Variants in DPYSL2 observed in about 807,000 individuals in gnomAD.
The protein encoded by DPYSL2 is dihydropyrimidinase-related protein 2.
DPYSL2 carries 13 observed loss-of-function variants against 69.9 expected under a neutral mutation model. The ratio of observed to expected loss-of-function variants is 0.19; its 90% CI spans 0.12 to 0.30. The LOEUF is 0.30. Among genes scored for constraint, DPYSL2 ranks in the 10% least tolerant of loss-of-function variants. DPYSL2 has a pLI of 1.00. For missense variants in DPYSL2, 587 were observed against 918.9 expected (o/e 0.64, Z 4.67); for synonymous variants, 326 against 359.1 (o/e 0.91, Z 1.04).
At chr8:26,561,099 G>T (rs1424424236) in intron 1 of DPYSL2, among the ~76,000 whole-genome samples, 1 of 152,190 alleles carries the variant, frequency 6.6e-6, no homozygotes, top group Non-Finnish European at 1.5e-5. Flanking sequence ...AGAAATGCAA[G>T]ACTCTACTAG....
intron 1 of DPYSL2, among the ~76,000 whole-genome samples, chr8:26,542,784 G>A (rs1335549287): frequency 6.6e-6 from 1 of 152,074 alleles, no homozygotes; most frequent in Non-Finnish European, 1.5e-5. Flanking sequence ...AACACAAGAA[G>A]CAAAGAACAA....
intron 1 of DPYSL2, among the ~76,000 whole-genome samples, chr8:26,568,442 A>G (rs1355818746): frequency 6.6e-6 from 1 of 152,194 alleles, no homozygotes; most frequent in Non-Finnish European, 1.5e-5. Context: ...GTCAGTAATA[A>G]ATTCTCACTC....
chr8:26,639,133 G>T (rs73227622), intron 8 of DPYSL2, among the ~76,000 whole-genome samples: 10,493 of 152,292 alleles, frequency 0.069, 435 homozygotes, highest in South Asian at 0.15. Flanking sequence ...AACGTTATGA[G>T]AAGCACATGG....
At position 26,643,684 on chromosome 8, in the gene DPYSL2, A is replaced by C. The variant is rs1055218217; in HGVS notation, c.1283+89A>C. The stretch of plus-strand genomic sequence containing the variant: ...AGGCGAAAACAACATGGTGGCCAAG[A>C]GCAGCCATAAAACTGGGAGACCCTT... On this transcript the variant is annotated intron_variant, in intron 9 of 13. Coordinates refer to ENST00000521913, the MANE Select transcript of DPYSL2 (RefSeq NM_001197293.3). The surrounding 1 kb of genome is among the most constrained non-coding windows in gnomAD (Gnocchi z 6.5). The C allele has an allele frequency of 5.7e-6, 9 of 1,578,100 alleles. No individual in the cohort carries two copies. The African/African-American group carries it at 8.1e-5, about 14-fold the overall frequency.
At chr8:26,576,802 C>A (rs528556042) in intron 1 of DPYSL2, among the ~76,000 whole-genome samples, 11 of 152,364 alleles carry the variant, frequency 7.2e-5, no homozygotes, top group Admixed American at 5.2e-4. Context: ...TCCTCCTCTC[C>A]GCCCCACGGT....
chr8:26,514,039 T>C lies in DPYSL2; in HGVS notation c.-287T>C, dbSNP rs534392332. The C allele has an allele frequency of 1.5e-5, 4 of 275,010 alleles. No individual in the cohort carries two copies. Among genetic ancestry groups the C allele is most frequent in the African/African-American group, 8.8e-5 (4 of 45,334 alleles). The allele number at this position is 275,010 out of a possible 1,614,324, so 17.0% of individuals were successfully genotyped here. A position where few individuals can be genotyped will look rare whatever the true frequency, so the allele number is the denominator to read the frequency against. ...TGCCGGGAACTGGCAGCCTTTCGGC[T>C]CCCGCAGCCGCAGCGGACGCCCTCC... On this transcript the variant is annotated 5_prime_UTR_variant, in exon 1 of 14. Coordinates refer to ENST00000521913, the MANE Select transcript of DPYSL2 (RefSeq NM_001197293.3). This position sits in a 1 kb window ranked among gnomAD's most constrained non-coding sequence, Gnocchi z 8.4.
At position 26,624,291 on chromosome 8, in the gene DPYSL2, G is replaced by T. The variant is rs371240205; in HGVS notation, c.777G>T (p.Ala259=). The change falls in exon 4 of 14, where the codon GCG becomes GCT. Residue 259 remains alanine, a synonymous_variant. Coordinates refer to ENST00000521913, the MANE Select transcript of DPYSL2 (RefSeq NM_001197293.3). This position sits in a 1 kb window ranked among gnomAD's most constrained non-coding sequence, Gnocchi z 4.7. The part of the protein sequence containing the change: ...WHKGIQEEME[A]LVKDHGVNSF... ...AGGGCATCCAGGAGGAGATGGAAGCGCTTGTGAAGGATCACGGTAGGTTGC... is the reference window on the plus strand; with the variant it reads ...AGGGCATCCAGGAGGAGATGGAAGCTCTTGTGAAGGATCACGGTAGGTTGC... The T allele has an allele frequency of 1.9e-6, 3 of 1,614,152 alleles. No individual in the cohort carries two copies. Among genetic ancestry groups the T allele is most frequent in the Non-Finnish European group, 2.5e-6 (3 of 1,179,994 alleles).
intron 1 of DPYSL2, among the ~76,000 whole-genome samples, chr8:26,534,531 G>A (rs1429045409): frequency 6.6e-6 from 1 of 152,170 alleles, no homozygotes; most frequent in Non-Finnish European, 1.5e-5. Context: ...GCTAACAGCT[G>A]TGTGGCTGTG....
rs1182067646 is a variant in DPYSL2 at position 26,591,601 on chromosome 8, G to A, written c.628+7618G>A. 1.2e-4 allele frequency among the ~76,000 whole-genome samples: 18 copies of A among 152,198 alleles called. No individual in the cohort carries two copies. Among genetic ancestry groups the A allele is most frequent in the Admixed American group, 1.2e-3 (18 of 15,276 alleles). ...ACTCCTTCTACTCATGATAGCTTTA[G>A]CATTGTTGTCCCGGGGCAACCCTTT... is the stretch of plus-strand genomic sequence containing the variant. On this transcript the variant is annotated intron_variant, in intron 3 of 13. Coordinates refer to ENST00000521913, the MANE Select transcript of DPYSL2 (RefSeq NM_001197293.3). The surrounding 1 kb of genome is among the most constrained non-coding windows in gnomAD (Gnocchi z 5.8).
At chr8:26,601,032 A>G (rs1001597834) in intron 3 of DPYSL2, among the ~76,000 whole-genome samples, 4 of 152,182 alleles carry the variant, frequency 2.6e-5, no homozygotes, top group Non-Finnish European at 5.9e-5. Context: ...ACTCTCAGCC[A>G]TGATATGGAC....
chr8:26,538,136 T>A (rs190814275), intron 1 of DPYSL2, among the ~76,000 whole-genome samples: 8 of 152,336 alleles, frequency 5.3e-5, no homozygotes, highest in Admixed American at 4.6e-4. Context: ...TCTGGTCACT[T>A]GATAAAGGAG....
At position 26,609,743 on chromosome 8, in the gene DPYSL2, A is replaced by G. The variant is rs1802187277; in HGVS notation, c.629-14400A>G. 1.3e-5 allele frequency among the ~76,000 whole-genome samples: 2 copies of G among 152,154 alleles called. No homozygotes were observed. The highest frequency in any genetic ancestry group is 2.9e-5 in the Non-Finnish European group (2 of 68,014). On this transcript the variant is annotated intron_variant, in intron 3 of 13. Transcript: ENST00000521913. The surrounding 1 kb of genome is among the most constrained non-coding windows in gnomAD (Gnocchi z 6.5). ...AGGGACTGTTGACCCTGGCCCCTGT[A>G]GGAAGCACCTCTGGCTTGTCCCCCA...
rs996883710 is a variant in DPYSL2, at chr8:26,620,265, C to CT, written c.629-3869dup. Among the ~76,000 whole-genome samples, 40 of 150,936 alleles carry CT rather than the reference C, an allele frequency of 2.7e-4. No individual in the cohort carries two copies. Among genetic ancestry groups the CT allele is most frequent in the African/African-American group, 7.8e-4 (32 of 41,138 alleles). ...GAGGAAATGAGCTTTTATTTTTTTC[C>CT]TTTTTTTTTGAGGCAGTCTCTTGCT... is the stretch of plus-strand genomic sequence containing the variant. On this transcript the variant is annotated intron_variant, in intron 3 of 13. Transcript: ENST00000521913. This position sits in a 1 kb window ranked among gnomAD's most constrained non-coding sequence, Gnocchi z 4.5.
At chr8:26,608,069 T>TC in intron 3 of DPYSL2, among the ~76,000 whole-genome samples, 1 of 128,070 alleles carries the variant, frequency 7.8e-6, no homozygotes, top group East Asian at 2.3e-4. Context: ...AGAGCAAGAC[T>TC]CCATCTCAAA....
At chr8:26,559,851 C>G (rs1195230582) in intron 1 of DPYSL2, among the ~76,000 whole-genome samples, 4 of 152,180 alleles carry the variant, frequency 2.6e-5, no homozygotes, top group Non-Finnish European at 5.9e-5. Context: ...ATCTTTTATA[C>G]TCTGGCTTGC....
rs1226239646 is a variant in DPYSL2, at chr8:26,617,129, A to G, written c.629-7014A>G. Among the ~76,000 whole-genome samples, 2 of 152,076 alleles carry G rather than the reference A, an allele frequency of 1.3e-5. No homozygotes were observed. The highest frequency in any genetic ancestry group is 2.9e-5 in the Non-Finnish European group (2 of 68,020). On this transcript the variant is annotated intron_variant, in intron 3 of 13. Coordinates refer to ENST00000521913, the MANE Select transcript of DPYSL2 (RefSeq NM_001197293.3). The surrounding 1 kb of genome is among the most constrained non-coding windows in gnomAD (Gnocchi z 4.7). ...GCCTAGCCCTTTAAAAACTCATGATATTGGGTTCTCTATCAGTGTCGCTCC... is the reference window on the plus strand; with the variant it reads ...GCCTAGCCCTTTAAAAACTCATGATGTTGGGTTCTCTATCAGTGTCGCTCC...
At chr8:26,578,598 G>A (rs1801413496) in intron 1 of DPYSL2, 1 of 1,264,652 alleles carries the variant, frequency 7.9e-7, no homozygotes, top group Non-Finnish European at 1.0e-6. Context: ...CGGCCCGCGG[G>A]GTGCAAGCAA....
At chr8:26,557,935 C>T (rs976975871) in intron 1 of DPYSL2, among the ~76,000 whole-genome samples, 1 of 151,788 alleles carries the variant, frequency 6.6e-6, no homozygotes, top group Non-Finnish European at 1.5e-5. Context: ...GCTCTACATC[C>T]TAACACCAAA....
intron 1 of DPYSL2, among the ~76,000 whole-genome samples, chr8:26,570,721 G>A (rs1035118843): frequency 1.6e-5 from 2 of 127,514 alleles, no homozygotes; most frequent in Non-Finnish European, 3.2e-5. Flanking sequence ...ACAACAGAGT[G>A]AGACTCAGTC....
Sources: allele counts gnomAD v4.1 joint callset (sites outside exome capture counted in the v4.1 genomes callset), GRCh38; gene constraint gnomAD v4.1.1; non-coding constraint Gnocchi (gnomAD v3.1); transcripts MANE v1.5; gene names NCBI Gene and HGNC (gene_info 2026-07-23, HGNC 2026-07-21).